Variants in PITPNB observed in about 807,000 individuals in gnomAD.
The protein encoded by PITPNB is phosphatidylinositol transfer protein beta isoform.
Under a neutral mutation model 45.9 loss-of-function variants are expected in PITPNB, and 16 were observed. The observed-to-expected ratio is 0.35, with a 90% CI of 0.24 to 0.53. The LOEUF (loss-of-function observed/expected upper bound fraction) is 0.53. PITPNB is among the 20% of genes least tolerant of loss of function. The pLI is 0.93. For synonymous variants in PITPNB, 112 were observed against 108.9 expected (o/e 1.03, Z -0.18); for missense variants, 188 against 330.5 (o/e 0.57, Z 3.34).
chr22:27,885,162 T>C (rs974959291), intron 7 of PITPNB, among the ~76,000 whole-genome samples: 6 of 125,686 alleles, frequency 4.8e-5, no homozygotes, highest in African/African-American at 1.8e-4. Context: ...GAAAGCTACT[T>C]AGACAAAGTG....
In PITPNB at chr22:27,858,437, T is replaced by C. The variant is rs1011558912; in HGVS notation, c.718A>G (p.Met240Val). The C allele has an allele frequency of 6.2e-7, 1 of 1,609,946 alleles. No homozygotes were observed. Among genetic ancestry groups the C allele is most frequent in the African/African-American group, 1.3e-5 (1 of 74,838 alleles). Residue 240 changes from methionine to valine, a missense_variant, in exon 10 of 12, where the codon ATG becomes GTG. Coordinates refer to ENST00000335272, the MANE Select transcript of PITPNB (RefSeq NM_012399.5). ...CWIDKWIDLT[M>V]EDIRRMEDET... is the part of the protein sequence containing the mutation. ...TCTTCCATTCTCCTAATGTCTTCCATCGTGAGATCGATCCACTTGTCAATC... is the reference window on the plus strand; with the variant it reads ...TCTTCCATTCTCCTAATGTCTTCCACCGTGAGATCGATCCACTTGTCAATC...
intron 7 of PITPNB, among the ~76,000 whole-genome samples, chr22:27,885,768 GAAC>G (rs1935106495): frequency 6.6e-6 from 1 of 152,050 alleles, no homozygotes; most frequent in Non-Finnish European, 1.5e-5. Context: ...TTTACTATTT[GAAC>G]AATAAAAACT....
At chr22:27,909,037 A>G (rs1265179400) in intron 3 of PITPNB, among the ~76,000 whole-genome samples, 1 of 152,174 alleles carries the variant, frequency 6.6e-6, no homozygotes, top group Non-Finnish European at 1.5e-5. Context: ...AAATCTGATC[A>G]TGACAGCTAC....
At chr22:27,887,746 T>C (rs945739503) in intron 7 of PITPNB, among the ~76,000 whole-genome samples, 1 of 152,092 alleles carries the variant, frequency 6.6e-6, no homozygotes, top group African/African-American at 2.4e-5. Context: ...CATCCTAAAG[T>C]AAACCCCTCC....
In PITPNB at chr22:27,911,106, G is replaced by C; in HGVS notation, c.55C>G (p.Gln19Glu). The change falls in exon 3 of 12, where the codon CAG becomes GAG. Residue 19 changes from glutamine to glutamate, a missense_variant. Coordinates refer to ENST00000335272, the MANE Select transcript of PITPNB (RefSeq NM_012399.5). Reference sequence around the variant, plus strand: ...GCAACAGAGTAAAGCTGCCCAACCTGATACTGAAATTTCAAAGAATACAGA... The same window carrying C: ...GCAACAGAGTAAAGCTGCCCAACCTCATACTGAAATTTCAAAGAATACAGA... ...VVLPCSVQEY[Q>E]VGQLYSVAEA... 6.2e-7 allele frequency: 1 copy of C among 1,611,484 alleles called. No individual in the cohort carries two copies. Among genetic ancestry groups the C allele is most frequent in the Non-Finnish European group, 8.5e-7 (1 of 1,177,914 alleles).
intron 3 of PITPNB, among the ~76,000 whole-genome samples, chr22:27,900,246 A>C (rs1935555350): frequency 6.6e-6 from 1 of 151,952 alleles, no homozygotes; most frequent in Admixed American, 6.6e-5. Context: ...ACAAAAAGGC[A>C]GGAGAAACAA....
chr22:27,904,404 T>C (rs1935698865), intron 3 of PITPNB, among the ~76,000 whole-genome samples: 1 of 152,232 alleles, frequency 6.6e-6, no homozygotes, highest in African/African-American at 2.4e-5. Context: ...ATTCCATTTA[T>C]ATAAAATATC....
At chr22:27,867,413 C>G (rs1221703261) in intron 8 of PITPNB, among the ~76,000 whole-genome samples, 7 of 152,094 alleles carry the variant, frequency 4.6e-5, no homozygotes, top group African/African-American at 1.7e-4. Context: ...AAGAAGTAAA[C>G]ATGAGATTAA....
intron 8 of PITPNB, among the ~76,000 whole-genome samples, chr22:27,869,602 T>C (rs1408012838): frequency 6.6e-6 from 1 of 152,042 alleles, no homozygotes; most frequent in Non-Finnish European, 1.5e-5. Context: ...GGGGAACACA[T>C]TCTAGAATGA....
chr22:27,869,646 C>T (rs577815695), intron 8 of PITPNB, among the ~76,000 whole-genome samples: 1 of 152,262 alleles, frequency 6.6e-6, no homozygotes, highest in South Asian at 2.1e-4. Context: ...ATAAGAATTA[C>T]GCATCATAAA....
rs1934232093 is a variant in PITPNB, at chr22:27,858,396, T to C, written c.759A>G (p.Glu253=). 3.1e-6 allele frequency: 5 copies of C among 1,606,852 alleles called. No individual in the cohort carries two copies. Among genetic ancestry groups the C allele is most frequent in the East Asian group, 2.2e-5 (1 of 44,594 alleles). The change falls in exon 10 of 12, where the codon GAA becomes GAG. Residue 253 remains glutamate (E), a synonymous_variant. Transcript: ENST00000335272. ...IRRMEDETQK[E]LETMRKRGSV... ...GAACAGCCAGTCTTACTGTTTCTAG[T>C]TCTTTCTGAGTCTCGTCTTCCATTC...
At chr22:27,906,433 G>A (rs2146419009) in intron 3 of PITPNB, among the ~76,000 whole-genome samples, 1 of 152,302 alleles carries the variant, frequency 6.6e-6, no homozygotes, top group Middle Eastern at 3.4e-3. Context: ...AACTCCCAAG[G>A]AGTTAACTTC....
intron 7 of PITPNB, among the ~76,000 whole-genome samples, chr22:27,893,095 G>C (rs1023579595): frequency 6.6e-6 from 1 of 152,144 alleles, no homozygotes; most frequent in Admixed American, 6.5e-5. Flanking sequence ...TGAACATACC[G>C]TGCTTGACCA....
At chr22:27,911,162 T>C (rs1371207380) in intron 2 of PITPNB, 53 bp from the exon 3 acceptor site, 9 of 1,293,418 alleles carry the variant, frequency 7.0e-6, no homozygotes, top group Non-Finnish European at 1.0e-5. Context: ...ACTGCAGAAA[T>C]TTAGTATGCT....
intron 3 of PITPNB, among the ~76,000 whole-genome samples, chr22:27,902,007 A>C (rs920646822): frequency 6.6e-6 from 1 of 152,114 alleles, no homozygotes; most frequent in Non-Finnish European, 1.5e-5. Flanking sequence ...AATAATGGTG[A>C]GTACGCAGGG....
intron 8 of PITPNB, among the ~76,000 whole-genome samples, chr22:27,871,047 A>C (rs1309535041): frequency 6.6e-6 from 1 of 151,834 alleles, no homozygotes; most frequent in Non-Finnish European, 1.5e-5. Context: ...TGTTTAACAC[A>C]GGGGGGAAAA....
At chr22:27,868,361 T>A (rs1459077072) in intron 8 of PITPNB, among the ~76,000 whole-genome samples, 3 of 152,130 alleles carry the variant, frequency 2.0e-5, no homozygotes, top group South Asian at 2.1e-4. Flanking sequence ...ACTCCTCCTA[T>A]CCCTGGCCAA....
At chr22:27,883,819 C>G in intron 7 of PITPNB, among the ~76,000 whole-genome samples, 1 of 152,182 alleles carries the variant, frequency 6.6e-6, no homozygotes, top group Middle Eastern at 3.2e-3. Context: ...ATGTACAGAC[C>G]TGCCTAATGA....
intron 8 of PITPNB, among the ~76,000 whole-genome samples, chr22:27,871,697 A>G (rs1934663173): frequency 1.3e-5 from 2 of 152,238 alleles, no homozygotes; most frequent in South Asian, 4.1e-4. Flanking sequence ...TTAATTTATA[A>G]GTGGTATATA....
Sources: gnomAD v4.1 joint callset for allele counts (sites outside exome capture counted in the v4.1 genomes callset) on GRCh38, gnomAD v4.1.1 for gene constraint, MANE v1.5 for transcripts, NCBI Gene and HGNC (gene_info 2026-07-23, HGNC 2026-07-21) for gene names.